The following BACH2 variants were observed in gnomAD, a reference collection of about 807,000 sequenced individuals.
BACH2 encodes transcription regulator protein BACH2.
Under a neutral mutation model 61.8 loss-of-function variants are expected in BACH2, and 5 were observed. The ratio of observed to expected loss-of-function variants is 0.08; its 90% CI spans 0.04 to 0.17. The LOEUF (loss-of-function observed/expected upper bound fraction) is 0.17. BACH2 is among the 10% of genes least tolerant of loss of function. BACH2 has a pLI of 1.00. For synonymous variants in BACH2, 446 were observed against 440.1 expected, an observed-to-expected ratio of 1.01 and a Z score of -0.17; for missense variants, 824 against 1,091.1, an observed-to-expected ratio of 0.76 and a Z score of 3.45.
intron 3 of BACH2, among the ~76,000 whole-genome samples, chr6:90,230,013 C>A (rs1369166851): frequency 1.3e-5 from 2 of 152,138 alleles, no homozygotes; most frequent in Admixed American, 6.5e-5. Context: ...AAACCTGGGT[C>A]TGGGACGCAA....
At chr6:90,087,766 G>A (rs1781999487) in intron 5 of BACH2, among the ~76,000 whole-genome samples, 1 of 151,852 alleles carries the variant, frequency 6.6e-6, no homozygotes, top group South Asian at 2.1e-4. Flanking sequence ...TATACAGTAG[G>A]TGTGTATATT....
rs537462603 is a variant in BACH2 at position 90,084,296 on chromosome 6, AT to A, written c.-13+4664del. 4.6e-3 allele frequency among the ~76,000 whole-genome samples: 698 copies of A among 151,932 alleles called. 4 individuals are homozygous for A. Among genetic ancestry groups the A allele is most frequent in the African/African-American group, 0.016 (663 of 41,420 alleles). On this transcript the variant is annotated intron_variant, in intron 5 of 8. Coordinates refer to ENST00000257749, the MANE Select transcript of BACH2 (RefSeq NM_021813.4). ...TGTCTTTGTTGGTCTTCTCTACTTT[AT>A]GTCATTTTGTCTCGGTGACTGCTGG...
intron 5 of BACH2, among the ~76,000 whole-genome samples, chr6:90,024,351 T>A (rs1467720164): frequency 1.3e-5 from 2 of 152,146 alleles, no homozygotes; most frequent in Non-Finnish European, 2.9e-5. Flanking sequence ...ATCTAACCAA[T>A]TCCAAGTTGT....
intron 4 of BACH2, among the ~76,000 whole-genome samples, chr6:90,117,521 C>T (rs147264635): frequency 6.8e-6 from 1 of 147,450 alleles, no homozygotes; most frequent in African/African-American, 2.5e-5. Context: ...CAGCATTTGT[C>T]ATTCCTATGA....
intron 4 of BACH2, among the ~76,000 whole-genome samples, chr6:90,202,717 G>A (rs1417997689): frequency 6.6e-6 from 1 of 152,172 alleles, no homozygotes; most frequent in Non-Finnish European, 1.5e-5. Flanking sequence ...AACAGCATGT[G>A]ACATGCCTTC....
intron 5 of BACH2, among the ~76,000 whole-genome samples, chr6:90,038,949 A>C (rs1779394128): frequency 6.6e-6 from 1 of 151,888 alleles, no homozygotes; most frequent in Admixed American, 6.6e-5. Flanking sequence ...CTGAGGCAAG[A>C]GAATCACTTG....
chr6:90,266,322 T>C (rs1339446679), intron 2 of BACH2, among the ~76,000 whole-genome samples: 1 of 152,098 alleles, frequency 6.6e-6, no homozygotes, highest in Admixed American at 6.5e-5. Flanking sequence ...TGACCCAGCC[T>C]CCTAAAGAGC....
At chr6:90,103,031 T>TATA (rs59852999) in intron 4 of BACH2, among the ~76,000 whole-genome samples, 47 of 29,200 alleles carry the variant, frequency 1.6e-3, no homozygotes, top group Admixed American at 4.5e-3. Flanking sequence ...ATATATATAT[T>TATA]TTTTTTTTTT....
rs755950724 is a variant in BACH2, at chr6:90,077,990, C to T, written c.-13+10971G>A. On this transcript the variant is annotated intron_variant, in intron 5 of 8. Transcript: ENST00000257749. ...CAAAACTTTGGTGGGTGGAAAAGGA[C>T]TCTAGAAGGACAGGTATACATTGTA... is the stretch of plus-strand genomic sequence containing the variant. 4.6e-5 allele frequency among the ~76,000 whole-genome samples: 7 copies of T among 152,102 alleles called. No homozygotes were observed. In the South Asian group the frequency reaches 6.2e-4, roughly 14 times the overall value.
At chr6:90,143,094 C>A (rs148710488) in intron 4 of BACH2, among the ~76,000 whole-genome samples, 90 of 152,246 alleles carry the variant, frequency 5.9e-4, no homozygotes, top group Non-Finnish European at 1.2e-3. Context: ...TTATCAAATT[C>A]GTTTCCAGCC....
At chr6:90,181,724 T>C (rs1444853553) in intron 4 of BACH2, among the ~76,000 whole-genome samples, 1 of 152,080 alleles carries the variant, frequency 6.6e-6, no homozygotes, top group Admixed American at 6.6e-5. Flanking sequence ...TGGGACCAGC[T>C]ACGGCACCAC....
At chr6:90,241,406 A>C (rs1373719014) in intron 3 of BACH2, among the ~76,000 whole-genome samples, 1 of 151,892 alleles carries the variant, frequency 6.6e-6, no homozygotes, top group East Asian at 1.9e-4. Flanking sequence ...AGGCTGGGAC[A>C]GAGAGTCACG....
intron 3 of BACH2, among the ~76,000 whole-genome samples, chr6:90,211,588 C>CTGTGTGTGTGTG (rs3072674): frequency 1.4e-3 from 203 of 144,134 alleles, no homozygotes; most frequent in Non-Finnish European, 2.0e-3. Context: ...GTGTCAAGGG[C>CTGTGTGTGTGTG]TGTGTGTGTG....
At chr6:90,215,053 C>A (rs544146735) in intron 3 of BACH2, among the ~76,000 whole-genome samples, 48 of 152,190 alleles carry the variant, frequency 3.2e-4, no homozygotes, top group Non-Finnish European at 4.7e-4. Flanking sequence ...CTGTATCTGG[C>A]CATATTCTGT....
At position 89,940,265 on chromosome 6, in the gene BACH2, C is replaced by T. The variant is rs1773343448; in HGVS notation, c.1837-1915G>A. On this transcript the variant is annotated intron_variant, in intron 7 of 8. Transcript: ENST00000257749. Reference sequence around the variant, plus strand: ...TCTCAAGTGATCCGCCCGCCTTGGCCTCCCAAAATGCTGGGCTTACAGGGG... The same window carrying T: ...TCTCAAGTGATCCGCCCGCCTTGGCTTCCCAAAATGCTGGGCTTACAGGGG... Among the ~76,000 whole-genome samples the T allele has an allele frequency of 2.0e-5, 3 of 152,190 alleles. No individual in the cohort carries two copies. The South Asian group carries it at 6.2e-4, about 31-fold the overall frequency.
At chr6:90,047,103 T>C (rs1264164703) in intron 5 of BACH2, among the ~76,000 whole-genome samples, 1 of 152,158 alleles carries the variant, frequency 6.6e-6, no homozygotes, top group African/African-American at 2.4e-5. Flanking sequence ...CTAATTTTTG[T>C]ATTTTTAGGG....
chr6:90,231,634 A>T (rs1451437186), intron 3 of BACH2, among the ~76,000 whole-genome samples: 1 of 152,206 alleles, frequency 6.6e-6, no homozygotes, highest in African/African-American at 2.4e-5. Flanking sequence ...GTCTACTCAT[A>T]TCCTACTATT....
Position 89,992,702 on chromosome 6 carries a change from G to A in BACH2, c.243+15900C>T, listed in dbSNP as rs1000904381. ...AAAAACAAAGAAATTACTCCACATC[G>A]GTTCACAGAGAACTTTTTTCTTTCT... On this transcript the variant is annotated intron_variant, in intron 6 of 8. Transcript: ENST00000257749. 3.9e-5 allele frequency among the ~76,000 whole-genome samples: 6 copies of A among 152,008 alleles called. No homozygotes were observed. The South Asian group carries it at 8.3e-4, about 21-fold the overall frequency.
chr6:90,230,002 C>A (rs566728632), intron 3 of BACH2, among the ~76,000 whole-genome samples: 1 of 152,290 alleles, frequency 6.6e-6, no homozygotes, highest in African/African-American at 2.4e-5. Context: ...TGCATATTAG[C>A]AAACCTGGGT....
Sources: gnomAD v4.1 joint callset for allele counts (sites outside exome capture counted in the v4.1 genomes callset) on GRCh38, gnomAD v4.1.1 for gene constraint, MANE v1.5 for transcripts, NCBI Gene and HGNC (gene_info 2026-07-23, HGNC 2026-07-21) for gene names.